The following PTPRD variants were observed in gnomAD, a reference collection of about 807,000 sequenced individuals.
PTPRD encodes the protein protein tyrosine phosphatase receptor type D, also known as receptor-type tyrosine-protein phosphatase delta.
Under a neutral mutation model 214.5 loss-of-function variants are expected in PTPRD, and 34 were observed. That is an observed-to-expected ratio of 0.16 (90% CI 0.12 to 0.21). PTPRD has a LOEUF of 0.21. PTPRD is among the 10% of genes least tolerant of loss of function. The pLI is 1.00. For missense variants in PTPRD, 2,545 were observed against 2,398.7 expected, an observed-to-expected ratio of 1.06 and a Z score of -1.27; for synonymous variants, 1,128 against 845.7, an observed-to-expected ratio of 1.33 and a Z score of -5.79.
intron 39 of PTPRD, among the ~76,000 whole-genome samples, chr9:8,350,969 A>G (rs2075283314): frequency 6.6e-6 from 1 of 152,162 alleles, no homozygotes; most frequent in Non-Finnish European, 1.5e-5. Flanking sequence ...AACTCTAGAA[A>G]TCTAGCACGG....
chr9:10,434,467 C>T (rs2098704088), intron 2 of PTPRD, among the ~76,000 whole-genome samples: 1 of 151,776 alleles, frequency 6.6e-6, no homozygotes, highest in African/African-American at 2.4e-5. Flanking sequence ...CTTAGCTCTC[C>T]ATCTTATATT....
intron 9 of PTPRD, among the ~76,000 whole-genome samples, chr9:9,379,387 T>A (rs10435825): frequency 0.23 from 35,491 of 151,590 alleles, 4,232 homozygotes; most frequent in Middle Eastern, 0.37. Flanking sequence ...TTCCATAAAA[T>A]TGATCTACTT....
chr9:9,041,204 T>G (rs1365910549), intron 10 of PTPRD, among the ~76,000 whole-genome samples: 2 of 152,180 alleles, frequency 1.3e-5, no homozygotes. Context: ...TCATAAAGAC[T>G]TCCCTTTTTC....
chr9:9,830,423 T>C (rs755429268), intron 5 of PTPRD, among the ~76,000 whole-genome samples: 5 of 151,938 alleles, frequency 3.3e-5, no homozygotes, highest in Non-Finnish European at 7.4e-5. Flanking sequence ...AAGCAGCTTA[T>C]AAAAGATTAC....
At chr9:8,728,127 G>A (rs908634107) in intron 12 of PTPRD, among the ~76,000 whole-genome samples, 11 of 152,202 alleles carry the variant, frequency 7.2e-5, no homozygotes, top group African/African-American at 1.4e-4. Context: ...GCACACGCCT[G>A]TAATCCCAGC....
intron 11 of PTPRD, among the ~76,000 whole-genome samples, chr9:8,794,171 G>A (rs180910068): frequency 2.6e-5 from 4 of 152,284 alleles, no homozygotes; most frequent in African/African-American, 9.6e-5. Flanking sequence ...AGGAAGGCAA[G>A]TATGAATGCA....
intron 5 of PTPRD, among the ~76,000 whole-genome samples, chr9:9,855,379 C>G (rs2061355112): frequency 6.6e-6 from 1 of 152,116 alleles, no homozygotes. Flanking sequence ...GGAGCTCCTT[C>G]TAAAATAGCA....
chr9:8,931,445 G>T (rs1460357004), intron 11 of PTPRD, among the ~76,000 whole-genome samples: 2 of 152,082 alleles, frequency 1.3e-5, no homozygotes, highest in African/African-American at 4.8e-5. Context: ...GGTAATGCGG[G>T]CTCTTTTTTG....
intron 14 of PTPRD, among the ~76,000 whole-genome samples, chr9:8,614,218 A>G (rs542606198): frequency 6.6e-6 from 1 of 152,224 alleles, no homozygotes; most frequent in African/African-American, 2.4e-5. Context: ...CCTATTTGCT[A>G]AAGTTTATTT....
chr9:9,727,510 G>C (rs1200170779), intron 7 of PTPRD, among the ~76,000 whole-genome samples: 1 of 152,150 alleles, frequency 6.6e-6, no homozygotes, highest in Non-Finnish European at 1.5e-5. Context: ...TATGTCAGAT[G>C]AGAGGCTAAA....
chr9:8,453,979 AT>A (rs1471563029), intron 33 of PTPRD, among the ~76,000 whole-genome samples: 1 of 152,238 alleles, frequency 6.6e-6, no homozygotes, highest in Admixed American at 6.5e-5. Flanking sequence ...ACATAAGTGT[AT>A]ATGAATATAT....
At chr9:8,892,294 G>C (rs527511878) in intron 11 of PTPRD, among the ~76,000 whole-genome samples, 1 of 152,052 alleles carries the variant, frequency 6.6e-6, no homozygotes, top group Non-Finnish European at 1.5e-5. Context: ...GATGGATATG[G>C]GGAGTCAGTG....
intron 2 of PTPRD, among the ~76,000 whole-genome samples, chr9:10,387,065 G>C (rs551957387): frequency 6.6e-6 from 1 of 151,592 alleles, no homozygotes; most frequent in African/African-American, 2.4e-5. Context: ...TGGAAATAGA[G>C]AAAAAAATAA....
At chr9:9,574,671 C>G (rs981882545) in intron 8 of PTPRD, 61 bp downstream of exon 8, 1 of 151,642 alleles carries the variant, frequency 6.6e-6, no homozygotes, top group Admixed American at 6.6e-5. Context: ...AAAAACTGGA[C>G]ATGATCAAAA....
At chr9:8,375,227 A>C (rs1264130872) in intron 39 of PTPRD, among the ~76,000 whole-genome samples, 3 of 152,014 alleles carry the variant, frequency 2.0e-5, no homozygotes, top group African/African-American at 7.2e-5. Flanking sequence ...AAACAACTGG[A>C]AGAAATCAGC....
At chr9:9,463,377 A>G (rs1199161125) in intron 8 of PTPRD, among the ~76,000 whole-genome samples, 1 of 152,102 alleles carries the variant, frequency 6.6e-6, no homozygotes, top group African/African-American at 2.4e-5. Flanking sequence ...GTGGGTTGGA[A>G]GAGGGAGGGA....
At chr9:10,000,018 AG>A (rs2096269814) in intron 4 of PTPRD, among the ~76,000 whole-genome samples, 1 of 152,208 alleles carries the variant, frequency 6.6e-6, no homozygotes, top group Non-Finnish European at 1.5e-5. Context: ...TAATAATTAA[AG>A]GAAAGGAATT....
chr9:10,009,944 G>C (rs1193662638), intron 4 of PTPRD, among the ~76,000 whole-genome samples: 2 of 151,804 alleles, frequency 1.3e-5, no homozygotes, highest in Non-Finnish European at 2.9e-5. Context: ...AGGGAGGAGA[G>C]TATAATGAAG....
At position 10,489,557 on chromosome 9, in the gene PTPRD, C is replaced by T. The variant is rs528408044; in HGVS notation, c.-600+122841G>A. ...GTTGTAGTCCTTGTGGCCTAGACTG[C>T]CTTTCAAGTTTATTTAGAGCTCCAG... On this transcript the variant is annotated intron_variant, in intron 2 of 45. Coordinates refer to ENST00000381196, the MANE Select transcript of PTPRD (RefSeq NM_002839.4). Among the ~76,000 whole-genome samples the T allele has an allele frequency of 2.2e-3, 331 of 152,194 alleles. 1 individual carries two copies. Among genetic ancestry groups the T allele is most frequent in the African/African-American group, 7.7e-3 (321 of 41,516 alleles).
Sources: allele counts gnomAD v4.1 joint callset (sites outside exome capture counted in the v4.1 genomes callset), GRCh38; gene constraint gnomAD v4.1.1; transcripts MANE v1.5; gene names NCBI Gene and HGNC (gene_info 2026-07-23, HGNC 2026-07-21).